Variants in MARK3 observed in about 807,000 individuals in gnomAD.
MARK3 encodes microtubule affinity regulating kinase 3, also known as MAP/microtubule affinity-regulating kinase 3.
A neutral mutation model predicts 90.1 loss-of-function variants in MARK3; 46 were observed. The observed-to-expected ratio is 0.51, with a 90% CI of 0.40 to 0.65. MARK3 has a LOEUF of 0.65. Ranked by LOEUF, MARK3 falls within the 30% of genes least tolerant of loss-of-function variation. MARK3 has a pLI of 0.00. For missense variants in MARK3, 818 were observed against 947.2 expected (o/e 0.86, Z 1.79); for synonymous variants, 321 against 332.6 (o/e 0.97, Z 0.38).
intron 1 of MARK3, among the ~76,000 whole-genome samples, chr14:103,388,431 C>G (rs2089978083): frequency 6.6e-6 from 1 of 152,206 alleles, no homozygotes; most frequent in South Asian, 2.1e-4. Context: ...ACCTACATTA[C>G]TGCACTGCTA....
intron 5 of MARK3, among the ~76,000 whole-genome samples, chr14:103,452,897 A>G (rs61163293): frequency 0.01 from 1,578 of 152,322 alleles, 22 homozygotes; most frequent in African/African-American, 0.036. Flanking sequence ...TGTGTGTGGG[A>G]CACACACCTC....
intron 3 of MARK3, among the ~76,000 whole-genome samples, chr14:103,439,793 TTTG>T (rs1483907610): frequency 2.6e-5 from 4 of 151,974 alleles, no homozygotes; most frequent in African/African-American, 9.7e-5. Flanking sequence ...CTTCCTTTTT[TTTG>T]TTTTTTTGAG....
chr14:103,452,009 G>GT (rs772301590), intron 5 of MARK3, 26 bp downstream of exon 5: 46 of 1,509,520 alleles, frequency 3.0e-5, no homozygotes, highest in South Asian at 5.8e-5. Flanking sequence ...TATATATTGG[G>GT]TTTTTTTTCT....
chr14:103,404,284 G>T (rs2091142356), intron 1 of MARK3, among the ~76,000 whole-genome samples: 1 of 152,184 alleles, frequency 6.6e-6, no homozygotes, highest in South Asian at 2.1e-4. Context: ...GTGGAAAGTG[G>T]CTGTGAGTGC....
chr14:103,434,150 A>G (rs1415763639), intron 3 of MARK3, among the ~76,000 whole-genome samples: 3 of 152,228 alleles, frequency 2.0e-5, no homozygotes, highest in Admixed American at 1.3e-4. Flanking sequence ...GACTACCATT[A>G]TGACTATCAT....
intron 5 of MARK3, among the ~76,000 whole-genome samples, chr14:103,456,663 G>A (rs1220308374): frequency 1.3e-5 from 2 of 152,152 alleles, no homozygotes; most frequent in Non-Finnish European, 2.9e-5. Context: ...ACTCTATGAG[G>A]AAAAGGATCT....
intron 6 of MARK3, chr14:103,458,861 A>C: frequency 1.8e-6 from 1 of 566,630 alleles, no homozygotes; most frequent in African/African-American, 1.9e-5. Flanking sequence ...CTTAAATACT[A>C]ATGGTACTTT....
In MARK3 at chr14:103,491,992, C is replaced by A. The variant is rs1289052711; in HGVS notation, c.1802C>A (p.Ser601Tyr). 1 of 1,614,168 alleles carries A rather than the reference C, an allele frequency of 6.2e-7. No homozygotes were observed. ...TPLSQTRSRG[S>Y]TNLFSKLTSK... Reference sequence around the variant, plus strand: ...TTGTCCCAGACTCGAAGCCGAGGCTCCACTAATCTCTTTAGTAAATTAACT... The same window carrying A: ...TTGTCCCAGACTCGAAGCCGAGGCTACACTAATCTCTTTAGTAAATTAACT... The change falls in exon 15 of 18, where the codon TCC becomes TAC. Residue 601 changes from serine (S) to tyrosine (Y), a missense_variant. Around this residue, in one of 3 missense-constraint regions of MARK3, gnomAD observed 560 missense variants for 613.5 expected, o/e 0.91. Transcript: ENST00000429436.
chr14:103,462,603 A>AAG, intron 7 of MARK3, 142 bp downstream of exon 7: 1 of 507,646 alleles, frequency 2.0e-6, no homozygotes, highest in Non-Finnish European at 3.5e-6. Flanking sequence ...TAATCAAGTT[A>AAG]TGGGAAAGAG....
intron 2 of MARK3, among the ~76,000 whole-genome samples, chr14:103,415,026 C>T (rs983150276): frequency 2.6e-5 from 4 of 151,718 alleles, no homozygotes; most frequent in Admixed American, 6.6e-5. Context: ...GTGGTGTGCG[C>T]CTGTAGTCCC....
intron 3 of MARK3, among the ~76,000 whole-genome samples, chr14:103,439,710 A>G (rs938538539): frequency 6.6e-6 from 1 of 151,216 alleles, no homozygotes; most frequent in Admixed American, 6.6e-5. Context: ...CACCCCACCA[A>G]TGTAGTGTAA....
intron 2 of MARK3, among the ~76,000 whole-genome samples, chr14:103,425,321 A>G (rs531492196): frequency 6.6e-6 from 1 of 151,920 alleles, no homozygotes; most frequent in South Asian, 2.1e-4. Context: ...GTTCAGTGGC[A>G]CCATCTTGGC....
chr14:103,454,807 A>G (rs1191398241), intron 5 of MARK3, among the ~76,000 whole-genome samples: 1 of 152,212 alleles, frequency 6.6e-6, no homozygotes, highest in African/African-American at 2.4e-5. Context: ...TTCTATGCCA[A>G]GGGGTCCATA....
At chr14:103,474,516 T>G (rs2093684350) in intron 12 of MARK3, among the ~76,000 whole-genome samples, 1 of 81,352 alleles carries the variant, frequency 1.2e-5, no homozygotes, top group Non-Finnish European at 2.4e-5. Flanking sequence ...AACTCCGGTT[T>G]ATCTAGAAGA....
intron 3 of MARK3, among the ~76,000 whole-genome samples, chr14:103,434,969 A>G (rs1056029561): frequency 4.6e-5 from 7 of 152,154 alleles, no homozygotes; most frequent in African/African-American, 1.7e-4. Context: ...TAAAGCTAGT[A>G]TTTGCTTTGG....
chr14:103,435,029 T>G (rs1037202368), intron 3 of MARK3, among the ~76,000 whole-genome samples: 1 of 152,178 alleles, frequency 6.6e-6, no homozygotes, highest in African/African-American at 2.4e-5. Context: ...AGTGGCCTTT[T>G]TTGGCGTCCT....
chr14:103,407,833 G>A (rs1242340408), intron 2 of MARK3, among the ~76,000 whole-genome samples: 1 of 152,038 alleles, frequency 6.6e-6, no homozygotes, highest in African/African-American at 2.4e-5. Context: ...TGCTGGGATT[G>A]CAGGTGTAAG....
intron 3 of MARK3, among the ~76,000 whole-genome samples, chr14:103,447,560 A>G (rs1275262481): frequency 6.6e-6 from 1 of 152,138 alleles, no homozygotes; most frequent in Non-Finnish European, 1.5e-5. Context: ...AGGACCTTAG[A>G]AGATCTTTTT....
intron 7 of MARK3, among the ~76,000 whole-genome samples, chr14:103,464,098 G>A (rs2093455517): frequency 6.6e-6 from 1 of 152,070 alleles, no homozygotes; most frequent in South Asian, 2.1e-4. Flanking sequence ...ACAACTCCCT[G>A]TGCCTCTTCA....
Sources: allele counts gnomAD v4.1 joint callset (sites outside exome capture counted in the v4.1 genomes callset), GRCh38; gene constraint gnomAD v4.1.1; regional missense constraint gnomAD v4.1.1; transcripts MANE v1.5; gene names NCBI Gene and HGNC (gene_info 2026-07-23, HGNC 2026-07-21).